Variants in XXYLT1 observed in about 807,000 individuals in gnomAD.
XXYLT1 encodes UDP-xylose:alpha-xyloside alpha-1,3-xylosyltransferase.
XXYLT1 carries 20 observed loss-of-function variants against 28.9 expected under a neutral mutation model. The observed-to-expected ratio is 0.69, with a 90% confidence interval of 0.49 to 1.00. XXYLT1 has a LOEUF of 1.00. Ranked by LOEUF, XXYLT1 falls within the 50% of genes least tolerant of loss-of-function variation. The pLI is 0.00. For synonymous variants in XXYLT1, 257 were observed against 253.8 expected, an observed-to-expected ratio of 1.01 and a Z score of -0.12; for missense variants, 542 against 560.1, an observed-to-expected ratio of 0.97 and a Z score of 0.33.
At chr3:195,072,227 A>ATGCTGCCGT (rs148731837) in intron 3 of XXYLT1, among the ~76,000 whole-genome samples, 7,740 of 152,228 alleles carry the variant, frequency 0.051, 295 homozygotes, top group East Asian at 0.19. Context: ...TGAGGACACG[A>ATGCTGCCGT]TGCTGCACCT....
chr3:195,143,085 C>G (rs929584087), intron 3 of XXYLT1, among the ~76,000 whole-genome samples: 4 of 152,178 alleles, frequency 2.6e-5, no homozygotes, highest in Admixed American at 2.6e-4. Flanking sequence ...TTGGCCTTGA[C>G]ATTTAGTTAT....
chr3:195,079,393 A>G (rs1046061560), intron 3 of XXYLT1, among the ~76,000 whole-genome samples: 4 of 152,200 alleles, frequency 2.6e-5, no homozygotes, highest in Non-Finnish European at 5.9e-5. Context: ...GGATGCATAC[A>G]TGAGAGAAAG....
At chr3:195,073,891 C>T (rs749557240) in intron 3 of XXYLT1, among the ~76,000 whole-genome samples, 25 of 152,192 alleles carry the variant, frequency 1.6e-4, no homozygotes, top group Non-Finnish European at 5.9e-5. Context: ...TGGAAAAGCA[C>T]AGTTACTTCC....
Position 195,088,462 on chromosome 3 carries a change from G to C in XXYLT1, c.786-18351C>G, listed in dbSNP as rs376226463. On this transcript the variant is annotated intron_variant, in intron 3 of 3. Transcript: ENST00000310380. ...GTACTCCAACAGACCTGCAGCTGAG[G>C]GTCCTGTCTGTTAGAAGGAAAACTA... Among the ~76,000 whole-genome samples, 323 of 143,178 alleles carry C rather than the reference G, an allele frequency of 2.3e-3. 4 individuals are homozygous for C. In the East Asian group the frequency reaches 0.04, roughly 18 times the overall value. 93.9% of individuals were successfully genotyped at this position (143,178 alleles called of 152,430 possible). A position where few individuals can be genotyped will look rare whatever the true frequency, so the allele number is the denominator to read the frequency against.
intron 3 of XXYLT1, among the ~76,000 whole-genome samples, chr3:195,072,115 G>T (rs1483778957): frequency 6.6e-6 from 1 of 152,134 alleles, no homozygotes; most frequent in Non-Finnish European, 1.5e-5. Flanking sequence ...AGCACAGCAG[G>T]GCCACAGGAA....
At chr3:195,194,092 ATAAATCAATAT>A (rs2108755406) in intron 2 of XXYLT1, among the ~76,000 whole-genome samples, 1 of 152,154 alleles carries the variant, frequency 6.6e-6, no homozygotes, top group South Asian at 2.1e-4. Flanking sequence ...TGCATAAAAA[ATAAATCAATAT>A]TAAAATGAAA....
At chr3:195,082,581 G>A (rs1318668487) in intron 3 of XXYLT1, among the ~76,000 whole-genome samples, 2 of 152,202 alleles carry the variant, frequency 1.3e-5, no homozygotes, top group Non-Finnish European at 1.5e-5. Context: ...GGCTGGGCAC[G>A]GTGGCTCACG....
chr3:195,226,607 G>GGC, intron 2 of XXYLT1, 102 bp downstream of exon 2: 1 of 1,430,276 alleles, frequency 7.0e-7, no homozygotes, highest in Non-Finnish European at 9.4e-7. Flanking sequence ...ATGTTCAGTG[G>GGC]AGCTATTCTC....
At chr3:195,123,241 GC>G (rs373491534) in intron 3 of XXYLT1, among the ~76,000 whole-genome samples, 9 of 151,776 alleles carry the variant, frequency 5.9e-5, no homozygotes, top group South Asian at 4.2e-4. Context: ...AAGTGGAGGG[GC>G]CCACCACCTA....
chr3:195,158,767 G>A (rs1229314089), intron 2 of XXYLT1, among the ~76,000 whole-genome samples: 1 of 152,246 alleles, frequency 6.6e-6, no homozygotes, highest in Non-Finnish European at 1.5e-5. Flanking sequence ...CTGTCCAGGA[G>A]GTTAGCCCCT....
chr3:195,156,451 G>A lies in XXYLT1; in HGVS notation c.783C>T (p.Tyr261=). 8 of 1,613,830 alleles carry A rather than the reference G, an allele frequency of 5.0e-6. No homozygotes were observed. The highest frequency in any genetic ancestry group is 6.8e-6 in the Non-Finnish European group (8 of 1,179,940). The change falls in exon 3 of 4, where the codon TAC becomes TAT. Residue 261 remains tyrosine (Y), a splice_region_variant and synonymous_variant. Coordinates refer to ENST00000310380, the MANE Select transcript of XXYLT1 (RefSeq NM_152531.5). ...IGIAREMQPV[Y]RHTFWQFRHE... ...GCCCCCCTGCAGTCATGACGCACCT[G>A]TAAACTGGCTGCATCTCCCGGGCTA...
chr3:195,246,380 G>A (rs552452027), intron 1 of XXYLT1, among the ~76,000 whole-genome samples: 2 of 152,286 alleles, frequency 1.3e-5, no homozygotes, highest in East Asian at 3.9e-4. Context: ...AATGGCAAGA[G>A]GGTCTTTGGC....
At chr3:195,162,281 A>G (rs1720911969) in intron 2 of XXYLT1, among the ~76,000 whole-genome samples, 1 of 152,144 alleles carries the variant, frequency 6.6e-6, no homozygotes, top group African/African-American at 2.4e-5. Context: ...GGATACGGCC[A>G]GCGCTCAGCT....
chr3:195,261,290 G>A (rs1315761411), intron 1 of XXYLT1, among the ~76,000 whole-genome samples: 1 of 152,134 alleles, frequency 6.6e-6, no homozygotes, highest in Admixed American at 6.5e-5. Flanking sequence ...AGAATTAGCC[G>A]GGCACGGTGG....
chr3:195,260,933 C>T (rs1398361670), intron 1 of XXYLT1, among the ~76,000 whole-genome samples: 1 of 151,672 alleles, frequency 6.6e-6, no homozygotes, highest in Non-Finnish European at 1.5e-5. Flanking sequence ...CATCGGCAGG[C>T]GGATGACAGA....
At chr3:195,080,562 G>A (rs1466453921) in intron 3 of XXYLT1, among the ~76,000 whole-genome samples, 1 of 146,446 alleles carries the variant, frequency 6.8e-6, no homozygotes, top group Non-Finnish European at 1.5e-5. Context: ...GGGGATGGGG[G>A]AGGGTTTGTC....
intron 3 of XXYLT1, among the ~76,000 whole-genome samples, chr3:195,137,706 G>A (rs202113919): frequency 1.3e-5 from 2 of 152,250 alleles, no homozygotes; most frequent in African/African-American, 4.8e-5. Context: ...GGCTTGTATC[G>A]GACACGGAGA....
intron 3 of XXYLT1, among the ~76,000 whole-genome samples, chr3:195,134,293 G>C (rs145195758): frequency 6.6e-6 from 1 of 152,108 alleles, no homozygotes; most frequent in Non-Finnish European, 1.5e-5. Context: ...GCAAAGTAAC[G>C]TCCCAGGCCT....
At chr3:195,268,132 A>G (rs1725898739) in intron 1 of XXYLT1, among the ~76,000 whole-genome samples, 1 of 152,036 alleles carries the variant, frequency 6.6e-6, no homozygotes, top group Admixed American at 6.6e-5. Flanking sequence ...AAAACAAAAC[A>G]AAACAAAGTA....
Sources: gnomAD v4.1 joint callset for allele counts (sites outside exome capture counted in the v4.1 genomes callset) on GRCh38, gnomAD v4.1.1 for gene constraint, MANE v1.5 for transcripts, NCBI Gene and HGNC (gene_info 2026-07-23, HGNC 2026-07-21) for gene names.